The following IPO11 variants were observed in gnomAD, a reference collection of about 807,000 sequenced individuals.
IPO11 encodes the protein importin-11.
In IPO11, 66 loss-of-function variants were observed where a neutral mutation model predicts 143.2. That is an observed-to-expected ratio of 0.46 (90% CI 0.38 to 0.57). The LOEUF is 0.57. Among genes scored for constraint, IPO11 ranks in the 20% least tolerant of loss-of-function variants. The probability of loss-of-function intolerance (pLI) is 0.00; values close to 1 mark genes in which losing one functional copy is unlikely to be tolerated. For missense variants in IPO11, 1,026 were observed against 1,141.0 expected (o/e 0.90, Z 1.45); for synonymous variants, 385 against 377.8 (o/e 1.02, Z -0.22).
Position 62,419,031 on chromosome 5 carries a change from A to G in IPO11, c.-7+6102A>G, listed in dbSNP as rs115456218. ...AAACCTAGATGGTACAGCCTATTAT[A>G]CACTTGGGCTATGTGGTATATAGCT... On this transcript the variant is annotated intron_variant, in intron 1 of 29. Transcript: ENST00000325324. The G allele has an allele frequency of 2.6e-4, 402 of 1,551,248 alleles. No homozygotes were observed. In the African/African-American group the frequency reaches 4.2e-3, roughly 16 times the overall value.
At chr5:62,541,053 G>T (rs576178821) in intron 24 of IPO11, among the ~76,000 whole-genome samples, 2 of 152,274 alleles carry the variant, frequency 1.3e-5, no homozygotes, top group East Asian at 3.9e-4. Context: ...GCATATTTCA[G>T]CTGGCTCTTT....
At chr5:62,499,993 CCTT>C (rs1363864638) in intron 16 of IPO11, among the ~76,000 whole-genome samples, 1 of 152,116 alleles carries the variant, frequency 6.6e-6, no homozygotes, top group Non-Finnish European at 1.5e-5. Context: ...GATAACAATG[CCTT>C]CTTCTGAGCT....
chr5:62,464,138 T>C (rs1745482181), intron 5 of IPO11, among the ~76,000 whole-genome samples: 2 of 146,738 alleles, frequency 1.4e-5, no homozygotes, highest in Non-Finnish European at 3.0e-5. Flanking sequence ...TGTTTGTTTT[T>C]GGTGGTTTTT....
chr5:62,455,635 T>G (rs1478135924), intron 5 of IPO11, among the ~76,000 whole-genome samples: 1 of 152,186 alleles, frequency 6.6e-6, no homozygotes, highest in African/African-American at 2.4e-5. Context: ...ACAATTGTTA[T>G]AACCTTTCCT....
chr5:62,509,477 C>T (rs1426836898), intron 19 of IPO11, among the ~76,000 whole-genome samples: 1 of 152,064 alleles, frequency 6.6e-6, no homozygotes, highest in Non-Finnish European at 1.5e-5. Context: ...AAAGTGCTTC[C>T]CCCACACCTC....
At chr5:62,545,791 A>C (rs1243593226) in intron 24 of IPO11, among the ~76,000 whole-genome samples, 1 of 152,240 alleles carries the variant, frequency 6.6e-6, no homozygotes, top group Non-Finnish European at 1.5e-5. Flanking sequence ...GGTGAAGGAT[A>C]TGAACAGACA....
chr5:62,627,531 A>G lies in IPO11; in HGVS notation c.*213A>G. 4.7e-6 allele frequency: 2 copies of G among 421,982 alleles called. No individual in the cohort carries two copies. The highest frequency in any genetic ancestry group is 8.3e-5 in the Admixed American group (2 of 24,134). The allele number at this position is 421,982 out of a possible 1,614,324, so 26.1% of individuals were successfully genotyped here. On this transcript the variant is annotated 3_prime_UTR_variant, in exon 30 of 30. Coordinates refer to ENST00000325324, the MANE Select transcript of IPO11 (RefSeq NM_016338.5). ...CTCAAAAGAATTTAATTTTATATTT[A>G]TGAGGGGGCCCTTCACTAAAAAGTA...
intron 1 of IPO11, among the ~76,000 whole-genome samples, chr5:62,435,144 G>GTATATATATGTATATATTTA (rs761497192): frequency 1.5e-5 from 1 of 64,992 alleles, no homozygotes; most frequent in African/African-American, 5.8e-5. Flanking sequence ...ATGTATATAT[G>GTATATATATGTATATATTTA]TATATATGTA....
At chr5:62,562,138 G>A (rs533490956) in intron 27 of IPO11, 31 of 152,416 alleles carry the variant, frequency 2.0e-4, no homozygotes, top group Admixed American at 1.9e-3. Context: ...ACTTATGAAT[G>A]TTGGTGGTAT....
intron 29 of IPO11, among the ~76,000 whole-genome samples, chr5:62,617,604 G>C (rs2112476028): frequency 6.6e-6 from 1 of 152,036 alleles, no homozygotes; most frequent in Admixed American, 6.6e-5. Flanking sequence ...TGAATGGAAG[G>C]AAAACAATTC....
At chr5:62,546,077 G>A (rs1194925354) in intron 24 of IPO11, among the ~76,000 whole-genome samples, 3 of 152,072 alleles carry the variant, frequency 2.0e-5, no homozygotes, top group East Asian at 1.9e-4. Flanking sequence ...ATACCATTTG[G>A]CCCAGCCGTC....
At chr5:62,459,169 C>T (rs1238808560) in intron 5 of IPO11, among the ~76,000 whole-genome samples, 1 of 151,820 alleles carries the variant, frequency 6.6e-6, no homozygotes, top group Non-Finnish European at 1.5e-5. Context: ...CATTAAGTGG[C>T]TGAAGAGAGG....
chr5:62,524,862 C>G (rs192774964), intron 20 of IPO11, among the ~76,000 whole-genome samples: 3,290 of 150,150 alleles, frequency 0.022, 61 homozygotes, highest in Non-Finnish European at 0.031. Context: ...ATTTGAATTA[C>G]TTCTTAGGTG....
chr5:62,464,828 T>A (rs1010958374), intron 5 of IPO11, among the ~76,000 whole-genome samples: 5 of 152,152 alleles, frequency 3.3e-5, no homozygotes, highest in African/African-American at 1.2e-4. Flanking sequence ...ACACAAAAAA[T>A]TTCAATATAA....
intron 1 of IPO11, among the ~76,000 whole-genome samples, chr5:62,420,149 G>T (rs540861397): frequency 3.0e-4 from 46 of 151,958 alleles, no homozygotes; most frequent in Admixed American, 1.0e-3. Context: ...AAATTAGCCA[G>T]GCGTGGTGGC....
chr5:62,606,419 G>A (rs1482391313), intron 29 of IPO11, among the ~76,000 whole-genome samples: 7 of 139,512 alleles, frequency 5.0e-5, no homozygotes, highest in Admixed American at 3.9e-4. Flanking sequence ...GACGGAGGTT[G>A]CAGTGAGCCA....
At chr5:62,435,656 C>A (rs545296981) in intron 1 of IPO11, among the ~76,000 whole-genome samples, 1 of 149,924 alleles carries the variant, frequency 6.7e-6, no homozygotes, top group African/African-American at 2.5e-5. Flanking sequence ...ACCTGGCAGG[C>A]AGAGGTTGCA....
intron 27 of IPO11, among the ~76,000 whole-genome samples, chr5:62,567,631 C>T (rs1167421490): frequency 5.1e-5 from 7 of 138,306 alleles, no homozygotes; most frequent in Non-Finnish European, 1.1e-4. Flanking sequence ...GGAACGATCT[C>T]GGCCCACTGC....
chr5:62,589,476 C>G (rs897701749), intron 27 of IPO11, among the ~76,000 whole-genome samples: 5 of 152,200 alleles, frequency 3.3e-5, no homozygotes, highest in Non-Finnish European at 7.3e-5. Flanking sequence ...TCATCCTAGA[C>G]TCTTTCCTCC....
Sources: gnomAD v4.1 joint callset for allele counts (sites outside exome capture counted in the v4.1 genomes callset) on GRCh38, gnomAD v4.1.1 for gene constraint, MANE v1.5 for transcripts, NCBI Gene and HGNC (gene_info 2026-07-23, HGNC 2026-07-21) for gene names.